The following MYO10 variants were observed in gnomAD, a reference collection of about 807,000 sequenced individuals.
MYO10 encodes unconventional myosin-X.
MYO10 carries 133 observed loss-of-function variants against 257.3 expected under a neutral mutation model. The observed-to-expected ratio is 0.52, with a 90% confidence interval of 0.45 to 0.60. The LOEUF (loss-of-function observed/expected upper bound fraction) is 0.60. MYO10 is among the 20% of genes least tolerant of loss of function. MYO10 has a pLI of 0.00. For synonymous variants in MYO10, 1,104 were observed against 1,028.6 expected, an observed-to-expected ratio of 1.07 and a Z score of -1.40; for missense variants, 2,399 against 2,635.7, an observed-to-expected ratio of 0.91 and a Z score of 1.97.
intron 19 of MYO10, chr5:16,741,744 C>T (rs575595174): frequency 1.1e-6 from 1 of 946,360 alleles, no homozygotes; most frequent in Admixed American, 6.2e-5. Flanking sequence ...TTTACAATAC[C>T]ATCATCATGG....
At chr5:16,783,098 G>A (rs536763083) in intron 5 of MYO10, among the ~76,000 whole-genome samples, 5 of 152,284 alleles carry the variant, frequency 3.3e-5, no homozygotes, top group East Asian at 1.9e-4. Flanking sequence ...GCCATTGCGC[G>A]CCACTCAGTC....
chr5:16,700,887 A>G (rs992556984), intron 25 of MYO10, 76 bp downstream of exon 25: 1 of 1,431,008 alleles, frequency 7.0e-7, no homozygotes, highest in African/African-American at 1.4e-5. Flanking sequence ...GGGTATCTTC[A>G]TTCAACTTGA....
At position 16,711,506 on chromosome 5, in the gene MYO10, G is replaced by A. The variant is rs532864626; in HGVS notation, c.1930-261C>T. ...CCTTATGTTTAAGAAAATCCCAGCCGGGCACGGTGGCTCGCGCCTGTAATC... is the reference window on the plus strand; with the variant it reads ...CCTTATGTTTAAGAAAATCCCAGCCAGGCACGGTGGCTCGCGCCTGTAATC... On this transcript the variant is annotated intron_variant, in intron 19 of 40. Transcript: ENST00000513610. 1.3e-4 allele frequency among the ~76,000 whole-genome samples: 20 copies of A among 152,252 alleles called. No individual in the cohort carries two copies. The East Asian group carries it at 2.5e-3, about 19-fold the overall frequency.
chr5:16,761,861 C>G (rs2126649914), intron 16 of MYO10, among the ~76,000 whole-genome samples, 184 bp downstream of exon 16: 1 of 151,960 alleles, frequency 6.6e-6, no homozygotes, highest in South Asian at 2.1e-4. Context: ...CTATGTTGCC[C>G]AGGCTGGTCT....
chr5:16,796,469 A>AAAGAAAGAAAGAAAG (rs879800508), intron 3 of MYO10, among the ~76,000 whole-genome samples: 323 of 120,858 alleles, frequency 2.7e-3, no homozygotes, highest in Non-Finnish European at 4.3e-3. Flanking sequence ...AGAAAGAAAG[A>AAAGAAAGAAAGAAAG]AAAGAAAAGA....
At chr5:16,667,130 G>A (rs868120766) in intron 40 of MYO10, among the ~76,000 whole-genome samples, 5 of 152,166 alleles carry the variant, frequency 3.3e-5, no homozygotes, top group East Asian at 3.9e-4. Context: ...TACTATCCCC[G>A]CTTAAAATAA....
chr5:16,753,466 CTT>C (rs143614063), intron 19 of MYO10, among the ~76,000 whole-genome samples: 2 of 83,162 alleles, frequency 2.4e-5, no homozygotes, highest in Non-Finnish European at 4.6e-5. Context: ...CGTGCCCGGC[CTT>C]TTTTTTTTTT....
In MYO10 at chr5:16,761,260, G is replaced by A. The variant is rs377463805; in HGVS notation, c.1739+204C>T. On this transcript the variant is annotated intron_variant, in intron 17 of 40. Coordinates refer to ENST00000513610, the MANE Select transcript of MYO10 (RefSeq NM_012334.3). The stretch of plus-strand genomic sequence containing the variant: ...CCCACCTTGGCATCCCAAAGTGCTG[G>A]GATTACAGGCGTGAGCCACCATGCC... Among the ~76,000 whole-genome samples the A allele has an allele frequency of 4.8e-4, 73 of 152,222 alleles. 1 individual carries two copies. In the South Asian group the frequency reaches 0.014, roughly 30 times the overall value.
intron 23 of MYO10, 124 bp downstream of exon 23, chr5:16,702,801 G>C (rs1266726384): frequency 1.0e-6 from 1 of 985,660 alleles, no homozygotes; most frequent in African/African-American, 1.6e-5. Context: ...TAGCCACCTA[G>C]AGTTACTGTT....
chr5:16,865,882 T>C (rs902215129), intron 2 of MYO10, among the ~76,000 whole-genome samples: 16 of 151,336 alleles, frequency 1.1e-4, no homozygotes, highest in African/African-American at 3.9e-4. Context: ...AGGCTCGGAG[T>C]TTTTGTTTGG....
intron 39 of MYO10, among the ~76,000 whole-genome samples, chr5:16,669,503 C>G (rs186910468): frequency 4.1e-4 from 62 of 152,226 alleles, no homozygotes; most frequent in African/African-American, 1.4e-3. Context: ...CGCGCCCGGC[C>G]AAGCCAGTAG....
chr5:16,730,507 A>C (rs1352760542), intron 19 of MYO10, among the ~76,000 whole-genome samples: 1 of 152,186 alleles, frequency 6.6e-6, no homozygotes, highest in East Asian at 1.9e-4. Context: ...TATATAGTTT[A>C]AAACTCTTCA....
chr5:16,694,381 G>C lies in MYO10; in HGVS notation c.3790C>G (p.Arg1264Gly). Residue 1264 changes from arginine to glycine, a missense_variant, in exon 27 of 41, where the codon CGA becomes GGA. By Grantham distance (125) the Arg-to-Gly change is moderately radical. Coordinates refer to ENST00000513610, the MANE Select transcript of MYO10 (RefSeq NM_012334.3). The stretch of plus-strand genomic sequence containing the variant: ...GGCTTAGCAACCTACTTTGCCGTTC[G>C]CACTTCTACGGTGCCCTTGAGCTTC... ...EEKLKGTVEVRTAKEIIDNTT... is the reference protein window; with the variant it reads ...EEKLKGTVEVGTAKEIIDNTT... 6.2e-7 allele frequency: 1 copy of C among 1,613,976 alleles called. No individual in the cohort carries two copies. Among genetic ancestry groups the C allele is most frequent in the Non-Finnish European group, 8.5e-7 (1 of 1,179,882 alleles).
chr5:16,830,685 A>ACACACACACACT (rs1299699428), intron 2 of MYO10, among the ~76,000 whole-genome samples: 3 of 152,016 alleles, frequency 2.0e-5, no homozygotes, highest in African/African-American at 7.2e-5. Context: ...ATAGGCACAC[A>ACACACACACACT]CACACACACA....
chr5:16,705,691 C>T (rs1323645701), intron 21 of MYO10, among the ~76,000 whole-genome samples: 1 of 152,178 alleles, frequency 6.6e-6, no homozygotes, highest in Admixed American at 6.5e-5. Context: ...CCCAATGGCA[C>T]ATTTTTCCAG....
At chr5:16,715,869 A>G (rs1042077257) in intron 19 of MYO10, among the ~76,000 whole-genome samples, 3 of 152,058 alleles carry the variant, frequency 2.0e-5, no homozygotes, top group Admixed American at 2.0e-4. Context: ...CAGCCTGACC[A>G]ATATGGTGAA....
chr5:16,792,162 G>GAC (rs1305890125), intron 4 of MYO10, among the ~76,000 whole-genome samples: 125 of 147,718 alleles, frequency 8.5e-4, no homozygotes, highest in African/African-American at 3.1e-3. Flanking sequence ...GAGAGAGAGA[G>GAC]AGGGAGAGAC....
In MYO10 at chr5:16,744,781, G is replaced by A. The variant is rs376073935; in HGVS notation, c.1929+10047C>T. Among the ~76,000 whole-genome samples the A allele has an allele frequency of 3.6e-4, 55 of 151,334 alleles. No homozygotes were observed. In the South Asian group the frequency reaches 7.5e-3, roughly 21 times the overall value. ...CACAGGCAGTAAAAAGGTAAGCAAAGCTCTAAAAAAAAAAAATCCTAATCG... is the reference window on the plus strand; with the variant it reads ...CACAGGCAGTAAAAAGGTAAGCAAAACTCTAAAAAAAAAAAATCCTAATCG... On this transcript the variant is annotated intron_variant, in intron 19 of 40. Transcript: ENST00000513610.
At chr5:16,703,282 G>A in intron 22 of MYO10, 124 bp from the exon 23 acceptor site, 2 of 699,944 alleles carry the variant, frequency 2.9e-6, no homozygotes, top group South Asian at 2.0e-5. Context: ...CTCTCATTAT[G>A]GAAACTGGAG....
Sources: allele counts gnomAD v4.1 joint callset (sites outside exome capture counted in the v4.1 genomes callset), GRCh38; gene constraint gnomAD v4.1.1; transcripts MANE v1.5; gene names NCBI Gene and HGNC (gene_info 2026-07-23, HGNC 2026-07-21).